NAT1: variants seen among roughly 807,000 people sequenced by gnomAD.
The protein encoded by NAT1 is arylamine N-acetyltransferase 1.
For missense variants in NAT1, 400 were observed against 339.2 expected (o/e 1.18, Z -1.41); for synonymous variants, 144 against 122.6 (o/e 1.17, Z -1.16).
At chr8:18,177,895 C>T (rs1183171906) in intron 2 of NAT1, among the ~76,000 whole-genome samples, 1 of 152,062 alleles carries the variant, frequency 6.6e-6, no homozygotes, top group African/African-American at 2.4e-5. Flanking sequence ...CTTAAGGACC[C>T]TTCCAGTTTT....
intron 2 of NAT1, among the ~76,000 whole-genome samples, chr8:18,190,804 T>G (rs768736530): frequency 6.6e-6 from 1 of 152,126 alleles, no homozygotes; most frequent in African/African-American, 2.4e-5. Flanking sequence ...TGGTGACTCA[T>G]GCCTGTAATC....
chr8:18,217,048 C>T, intron 1 of NAT1: 1 of 1,221,264 alleles, frequency 8.2e-7, no homozygotes, highest in Admixed American at 2.2e-5. Context: ...GGGAGAAAGG[C>T]AACTTGTAGA....
intron 2 of NAT1, among the ~76,000 whole-genome samples, chr8:18,220,800 G>A (rs547051069): frequency 1.8e-4 from 27 of 147,826 alleles, no homozygotes; most frequent in African/African-American, 6.1e-4. Flanking sequence ...GAATGTACAC[G>A]CTTAGGTTTC....
chr8:18,202,759 G>A (rs10091439), intron 2 of NAT1, among the ~76,000 whole-genome samples: 6,712 of 152,194 alleles, frequency 0.044, 434 homozygotes, highest in African/African-American at 0.14. Flanking sequence ...AGGTAGTGAG[G>A]ACCCAAAGAG....
At chr8:18,175,429 A>AT (rs940922391) in intron 2 of NAT1, among the ~76,000 whole-genome samples, 4 of 151,762 alleles carry the variant, frequency 2.6e-5, no homozygotes, top group Non-Finnish European at 5.9e-5. Flanking sequence ...ATGAGATCAC[A>AT]TTTTTTCTGA....
intron 2 of NAT1, among the ~76,000 whole-genome samples, chr8:18,193,662 G>T (rs1371216968): frequency 2.7e-5 from 3 of 111,938 alleles, no homozygotes; most frequent in Admixed American, 1.0e-4. Context: ...TTTCGAGATG[G>T]ACTTTCACTC....
At chr8:18,193,631 C>A (rs1325880277) in intron 2 of NAT1, among the ~76,000 whole-genome samples, 1 of 57,550 alleles carries the variant, frequency 1.7e-5, no homozygotes, top group Admixed American at 2.7e-4. Context: ...TGTAAACCTG[C>A]TTTTTTTTTT....
intron 2 of NAT1, among the ~76,000 whole-genome samples, chr8:18,199,850 G>GA (rs1394759290): frequency 6.6e-6 from 1 of 152,122 alleles, no homozygotes; most frequent in Non-Finnish European, 1.5e-5. Context: ...TAAAAGATGG[G>GA]AAAAGGATAT....
At chr8:18,199,804 A>T (rs900922719) in intron 2 of NAT1, among the ~76,000 whole-genome samples, 3 of 152,188 alleles carry the variant, frequency 2.0e-5, no homozygotes, top group Non-Finnish European at 4.4e-5. Flanking sequence ...TAGGTAAGAA[A>T]AGCATGATCT....
chr8:18,189,223 T>G (rs1284508165), intron 2 of NAT1, among the ~76,000 whole-genome samples: 2 of 152,086 alleles, frequency 1.3e-5, no homozygotes, highest in Non-Finnish European at 2.9e-5. Context: ...AAAACACATG[T>G]TTTATGGCAG....
intron 2 of NAT1, among the ~76,000 whole-genome samples, chr8:18,198,358 T>C (rs1434548120): frequency 6.6e-6 from 1 of 152,122 alleles, no homozygotes; most frequent in African/African-American, 2.4e-5. Flanking sequence ...AGTCACTGAG[T>C]TATGAATGGT....
rs146990352 is a variant in NAT1, at chr8:18,221,494, G to A, written c.-6-548G>A. Among the ~76,000 whole-genome samples, 693 of 152,050 alleles carry A rather than the reference G, an allele frequency of 4.6e-3. 5 individuals carry two copies. The highest frequency in any genetic ancestry group is 0.016 in the African/African-American group (662 of 41,450). ...ACTCCCACTAAAATATAAGATTTTTGAGAGTAAGCAAGCACTAGAACAGTA... is the reference window on the plus strand; with the variant it reads ...ACTCCCACTAAAATATAAGATTTTTAAGAGTAAGCAAGCACTAGAACAGTA... On this transcript the variant is annotated intron_variant, in intron 2 of 2. Transcript: ENST00000307719.
At position 18,177,354 on chromosome 8, in the gene NAT1, A is replaced by G. The variant is rs73587981; in HGVS notation, n.92+6615A>G. On this transcript the variant is annotated intron_variant and non_coding_transcript_variant, in intron 2 of 4. Coordinates refer to the NAT1 transcript ENST00000517441. ...TCTTTGATATTAACCCACAAGTTTT[A>G]TTTATATAGTTATATGAGCATTAGT... Among the ~76,000 whole-genome samples, 1,402 of 152,240 alleles carry G rather than the reference A, an allele frequency of 9.2e-3. 32 individuals carry two copies. The highest frequency in any genetic ancestry group is 0.032 in the African/African-American group (1,336 of 41,576).
rs1476018699 is a variant in NAT1, at chr8:18,216,783, T to C, written c.-85-2628T>C. On this transcript the variant is annotated intron_variant, in intron 1 of 2. Transcript: ENST00000307719. ...GGCTAAGCAGTTGACAGACAGATACTGGGTATGATGAGAATTTAGAAGGGT... is the reference window on the plus strand; with the variant it reads ...GGCTAAGCAGTTGACAGACAGATACCGGGTATGATGAGAATTTAGAAGGGT... 3 of 681,888 alleles carry C rather than the reference T, an allele frequency of 4.4e-6. No homozygotes were observed. The East Asian group carries it at 8.7e-5, about 20-fold the overall frequency. The allele number at this position is 681,888 out of a possible 1,614,324, so 42.2% of individuals were successfully genotyped here.
At chr8:18,184,644 A>T (rs541739739) in intron 2 of NAT1, among the ~76,000 whole-genome samples, 6 of 152,290 alleles carry the variant, frequency 3.9e-5, no homozygotes, top group African/African-American at 1.4e-4. Context: ...GTCCCTTCCC[A>T]AATTCATGTT....
In NAT1 at chr8:18,202,861, G is replaced by A. The variant is rs113731082; in HGVS notation, n.93-6920G>A. ...CAGCAGGTTGCCACTGCTGGCTTGGGTGACCGGCTGTTATTCCCTTATTTG... is the reference window on the plus strand; with the variant it reads ...CAGCAGGTTGCCACTGCTGGCTTGGATGACCGGCTGTTATTCCCTTATTTG... On this transcript the variant is annotated intron_variant and non_coding_transcript_variant, in intron 2 of 4. Transcript: ENST00000517441. 5.9e-5 allele frequency among the ~76,000 whole-genome samples: 9 copies of A among 152,280 alleles called. No individual in the cohort carries two copies. The East Asian group carries it at 1.2e-3, about 20-fold the overall frequency.
chr8:18,185,740 A>T (rs1171719299), intron 2 of NAT1, among the ~76,000 whole-genome samples: 9 of 151,880 alleles, frequency 5.9e-5, no homozygotes. Context: ...TTAGATCTTT[A>T]TTTTTCACCC....
intron 1 of NAT1, among the ~76,000 whole-genome samples, chr8:18,217,805 TG>T (rs1315803586): frequency 6.6e-6 from 1 of 152,196 alleles, no homozygotes; most frequent in Non-Finnish European, 1.5e-5. Flanking sequence ...TCTCCTGCTT[TG>T]TTTCTTTACA....
chr8:18,217,128 G>A, intron 1 of NAT1: 1 of 628,172 alleles, frequency 1.6e-6, no homozygotes, highest in East Asian at 2.8e-5. Context: ...TTTCCCTCTG[G>A]AGTCCCCATG....
Sources: gnomAD v4.1 joint callset for allele counts (sites outside exome capture counted in the v4.1 genomes callset) on GRCh38, gnomAD v4.1.1 for gene constraint, MANE v1.5 for transcripts, NCBI Gene and HGNC (gene_info 2026-07-23, HGNC 2026-07-21) for gene names.